CBFA2T3: variants seen among roughly 807,000 people sequenced by gnomAD.
CBFA2T3 encodes CBFA2/RUNX1 partner transcriptional co-repressor 3.
In CBFA2T3, 31 loss-of-function variants were observed where a neutral mutation model predicts 58.6. That is an observed-to-expected ratio of 0.53 (90% CI 0.40 to 0.71). The LOEUF is 0.71. Among genes scored for constraint, CBFA2T3 ranks in the 30% least tolerant of loss-of-function variants. CBFA2T3 has a pLI of 0.00. For missense variants in CBFA2T3, 1,076 were observed against 963.1 expected (o/e 1.12, Z -1.55); for synonymous variants, 531 against 421.9 (o/e 1.26, Z -3.17).
chr16:88,907,577 CAG>C (rs1970381139), intron 1 of CBFA2T3, among the ~76,000 whole-genome samples: 1 of 152,236 alleles, frequency 6.6e-6, no homozygotes, highest in East Asian at 1.9e-4. Context: ...AACAGAGGCA[CAG>C]AGAGGCTGAG....
intron 3 of CBFA2T3, among the ~76,000 whole-genome samples, chr16:88,893,021 G>T (rs568563737): frequency 6.6e-6 from 1 of 152,158 alleles, no homozygotes; most frequent in Non-Finnish European, 1.5e-5. Context: ...TTCTCCACAC[G>T]TCGGGGGCTT....
intron 1 of CBFA2T3, among the ~76,000 whole-genome samples, chr16:88,957,960 T>C (rs1039787701): frequency 6.6e-6 from 1 of 152,216 alleles, no homozygotes; most frequent in Non-Finnish European, 1.5e-5. Flanking sequence ...GCCACTGACT[T>C]GTGTACTTGA....
At chr16:88,935,555 G>T (rs966405620) in intron 1 of CBFA2T3, among the ~76,000 whole-genome samples, 2 of 152,218 alleles carry the variant, frequency 1.3e-5, no homozygotes, top group African/African-American at 4.8e-5. Flanking sequence ...CCAGGGCTTG[G>T]CCCCAAGCTT....
rs879438054 is a variant in CBFA2T3, at chr16:88,917,853, AGTGGGTGCGGAGGAGAGC to A, written c.152-16215_152-16198del. 6.7e-3 allele frequency among the ~76,000 whole-genome samples: 1,010 copies of A among 151,486 alleles called. 52 individuals carry two copies. The highest frequency in any genetic ancestry group is 0.058 in the Admixed American group (880 of 15,258). ...ACGAGAGTGTGGGTGTGGACGACAG[AGTGGGTGCGGAGGAGAGC>A]GTGGGTGCGGACGAGAGTGTGGGGT... On this transcript the variant is annotated intron_variant, in intron 1 of 11. Transcript: ENST00000268679.
Position 88,949,547 on chromosome 16 carries a change from G to A in CBFA2T3, c.151+27110C>T, listed in dbSNP as rs1419601078. Among the ~76,000 whole-genome samples the A allele has an allele frequency of 2.7e-5, 4 of 149,160 alleles. 1 individual carries two copies. Among genetic ancestry groups the A allele is most frequent in the African/African-American group, 9.9e-5 (4 of 40,492 alleles). On this transcript the variant is annotated intron_variant, in intron 1 of 11. Coordinates refer to ENST00000268679, the MANE Select transcript of CBFA2T3 (RefSeq NM_005187.6). Reference sequence around the variant, plus strand: ...TGCACTCCAGCCCGGGTGACAGAGCGAGACTCTGTCTCAAAAAAAAAAAAA... The same window carrying A: ...TGCACTCCAGCCCGGGTGACAGAGCAAGACTCTGTCTCAAAAAAAAAAAAA...
intron 1 of CBFA2T3, among the ~76,000 whole-genome samples, chr16:88,915,514 G>C (rs1376929397): frequency 9.9e-5 from 1 of 10,118 alleles, no homozygotes; most frequent in African/African-American, 5.5e-4. Context: ...AGCGTGGACG[G>C]GGGGAGTGTG....
chr16:88,976,354 C>T (rs1972860623), intron 1 of CBFA2T3, among the ~76,000 whole-genome samples: 1 of 152,166 alleles, frequency 6.6e-6, no homozygotes, highest in African/African-American at 2.4e-5. Flanking sequence ...CCTCCCACCC[C>T]CAGGAGAACA....
At position 88,934,019 on chromosome 16, in the gene CBFA2T3, A is replaced by C. The variant is rs150549590; in HGVS notation, c.152-32363T>G. Among the ~76,000 whole-genome samples, 798 of 152,382 alleles carry C rather than the reference A, an allele frequency of 5.2e-3. 3 individuals carry two copies. Among genetic ancestry groups the C allele is most frequent in the East Asian group, 0.023 (117 of 5,184 alleles). On this transcript the variant is annotated intron_variant, in intron 1 of 11. Coordinates refer to ENST00000268679, the MANE Select transcript of CBFA2T3 (RefSeq NM_005187.6). ...AATGAGTTTTGGACACACTGGGTTAAGTAAGATTATATATTATAAACATTA... is the reference window on the plus strand; with the variant it reads ...AATGAGTTTTGGACACACTGGGTTACGTAAGATTATATATTATAAACATTA...
chr16:88,961,246 C>T (rs1870271), intron 1 of CBFA2T3, among the ~76,000 whole-genome samples: 53,895 of 152,012 alleles, frequency 0.35, 10,042 homozygotes, highest in Middle Eastern at 0.54. Context: ...AGGGGGCGCA[C>T]GGGGAGTGAC....
intron 1 of CBFA2T3, among the ~76,000 whole-genome samples, chr16:88,917,829 CGA>C (rs1319519866): frequency 1.3e-5 from 2 of 152,136 alleles, no homozygotes; most frequent in Non-Finnish European, 2.9e-5. Context: ...TGCGTGAAGA[CGA>C]GAGTGTGGGT....
At chr16:88,897,520 G>C (rs923954377) in intron 3 of CBFA2T3, among the ~76,000 whole-genome samples, 3 of 152,260 alleles carry the variant, frequency 2.0e-5, no homozygotes, top group Non-Finnish European at 4.4e-5. Context: ...AACGTCTGCT[G>C]GTGACTCAAG....
At chr16:88,942,582 A>C (rs1971779749) in intron 1 of CBFA2T3, among the ~76,000 whole-genome samples, 1 of 152,092 alleles carries the variant, frequency 6.6e-6, no homozygotes, top group Non-Finnish European at 1.5e-5. Flanking sequence ...ACGGAAACCC[A>C]GAACGGGGGC....
At chr16:88,897,194 C>T (rs1380842960) in intron 3 of CBFA2T3, among the ~76,000 whole-genome samples, 2 of 152,246 alleles carry the variant, frequency 1.3e-5, no homozygotes, top group African/African-American at 2.4e-5. Context: ...GAGTGGATGA[C>T]AAGAGCCACT....
At chr16:88,924,780 G>A (rs1971032471) in intron 1 of CBFA2T3, among the ~76,000 whole-genome samples, 3 of 152,228 alleles carry the variant, frequency 2.0e-5, no homozygotes, top group Non-Finnish European at 2.9e-5. Flanking sequence ...GGGCCAAGCA[G>A]GTGCAGGAAA....
intron 1 of CBFA2T3, among the ~76,000 whole-genome samples, chr16:88,902,192 T>C (rs1330279821): frequency 6.6e-6 from 1 of 152,118 alleles, no homozygotes; most frequent in Non-Finnish European, 1.5e-5. Flanking sequence ...AAGGCTCCCC[T>C]GGGCTGGGGG....
intron 1 of CBFA2T3, among the ~76,000 whole-genome samples, chr16:88,962,945 C>T (rs879745715): frequency 2.0e-5 from 3 of 152,190 alleles, no homozygotes; most frequent in Non-Finnish European, 4.4e-5. Context: ...TCCACAGGGC[C>T]TCCAGGAGGG....
chr16:88,897,041 G>A (rs1274879008), intron 3 of CBFA2T3, among the ~76,000 whole-genome samples: 1 of 152,228 alleles, frequency 6.6e-6, no homozygotes, highest in Admixed American at 6.5e-5. Context: ...GAGCACCCCC[G>A]CGGCTCCCCC....
At chr16:88,904,412 C>T (rs576380547) in intron 1 of CBFA2T3, among the ~76,000 whole-genome samples, 137 of 152,282 alleles carry the variant, frequency 9.0e-4, no homozygotes, top group Non-Finnish European at 1.4e-3. Context: ...AAGGTCACAC[C>T]GCGAGTGTGC....
intron 1 of CBFA2T3, among the ~76,000 whole-genome samples, chr16:88,973,017 C>G (rs1002073509): frequency 5.3e-5 from 8 of 152,230 alleles, no homozygotes; most frequent in African/African-American, 1.7e-4. Flanking sequence ...CACAGACACC[C>G]TGGCCGAGCT....
Sources: gnomAD v4.1 joint callset for allele counts (sites outside exome capture counted in the v4.1 genomes callset) on GRCh38, gnomAD v4.1.1 for gene constraint, MANE v1.5 for transcripts, NCBI Gene and HGNC (gene_info 2026-07-23, HGNC 2026-07-21) for gene names.